Variants in RBFOX1 observed in about 807,000 individuals in gnomAD.
The protein encoded by RBFOX1 is RNA binding protein fox-1 homolog 1.
RBFOX1 carries 8 observed loss-of-function variants against 57.7 expected under a neutral mutation model. The ratio of observed to expected loss-of-function variants is 0.14; its 90% CI spans 0.08 to 0.25. RBFOX1 has a LOEUF of 0.25. RBFOX1 is among the 10% of genes least tolerant of loss of function. The pLI, the probability that RBFOX1 is intolerant of heterozygous loss-of-function variation, is 1.00. For missense variants in RBFOX1, 611 were observed against 548.5 expected, an observed-to-expected ratio of 1.11 and a Z score of -1.14; for synonymous variants, 326 against 222.4, an observed-to-expected ratio of 1.47 and a Z score of -4.15.
At chr16:5,858,550 A>G (rs959024776) in intron 3 of RBFOX1, among the ~76,000 whole-genome samples, 4 of 152,186 alleles carry the variant, frequency 2.6e-5, no homozygotes, top group African/African-American at 9.7e-5. Flanking sequence ...ATCGTCTGCA[A>G]GATAGACCTA....
intron 4 of RBFOX1, among the ~76,000 whole-genome samples, chr16:7,446,255 G>A (rs955595180): frequency 1.4e-4 from 22 of 152,302 alleles, no homozygotes; most frequent in African/African-American, 4.3e-4. Flanking sequence ...TGACAGGAAG[G>A]AGGATATTTT....
intron 3 of RBFOX1, among the ~76,000 whole-genome samples, chr16:7,042,677 G>A (rs1715685168): frequency 6.6e-6 from 1 of 152,244 alleles, no homozygotes; most frequent in African/African-American, 2.4e-5. Flanking sequence ...TGTAATGCCA[G>A]CAGTTTGGGA....
chr16:6,600,834 C>T (rs2097844430), intron 2 of RBFOX1, among the ~76,000 whole-genome samples: 1 of 152,098 alleles, frequency 6.6e-6, no homozygotes, highest in South Asian at 2.1e-4. Context: ...AAAAAAATCC[C>T]TTTAGAGGAA....
chr16:6,478,066 C>T (rs571760754), intron 2 of RBFOX1, among the ~76,000 whole-genome samples: 1 of 151,928 alleles, frequency 6.6e-6, no homozygotes, highest in African/African-American at 2.4e-5. Context: ...GTTTGATCTT[C>T]CATCTAAACC....
intron 1 of RBFOX1, among the ~76,000 whole-genome samples, chr16:5,312,602 AC>A (rs2064122324): frequency 6.6e-6 from 1 of 152,242 alleles, no homozygotes; most frequent in Non-Finnish European, 1.5e-5. Context: ...GGTGTGAGCC[AC>A]CATGCTTGGT....
chr16:6,989,424 G>A (rs746705200), intron 3 of RBFOX1, among the ~76,000 whole-genome samples: 11 of 152,088 alleles, frequency 7.2e-5, no homozygotes, highest in East Asian at 3.8e-4. Context: ...ATTTAACGGT[G>A]CAATTAGAAC....
chr16:5,327,576 C>A (rs563752473), intron 1 of RBFOX1, among the ~76,000 whole-genome samples: 238 of 152,124 alleles, frequency 1.6e-3, no homozygotes, highest in Middle Eastern at 3.2e-3. Flanking sequence ...GAGAAACGCC[C>A]CAATCTGCAC....
intron 3 of RBFOX1, among the ~76,000 whole-genome samples, chr16:5,830,461 AAGAGGATTGTAT>A (rs1367361439): frequency 3.9e-5 from 6 of 152,082 alleles, no homozygotes; most frequent in Non-Finnish European, 8.8e-5. Flanking sequence ...CACTGAGGGA[AAGAGGATTGTAT>A]AGAGGCCGGG....
intron 4 of RBFOX1, among the ~76,000 whole-genome samples, chr16:5,945,212 T>TGG (rs1417500180): frequency 1.3e-5 from 2 of 152,050 alleles, no homozygotes; most frequent in African/African-American, 4.8e-5. Context: ...AGTGAACAAC[T>TGG]CAGATAAAAA....
intron 3 of RBFOX1, among the ~76,000 whole-genome samples, chr16:6,734,800 A>G (rs1486852473): frequency 1.3e-5 from 2 of 152,128 alleles, no homozygotes; most frequent in East Asian, 3.9e-4. Flanking sequence ...TGTGGAAAAT[A>G]TTTTTTACGA....
At chr16:5,741,665 C>T (rs1015359011) in intron 3 of RBFOX1, among the ~76,000 whole-genome samples, 3 of 152,206 alleles carry the variant, frequency 2.0e-5, no homozygotes, top group African/African-American at 7.2e-5. Flanking sequence ...TTACATCAGA[C>T]ATTTATGGCT....
At chr16:7,164,231 C>G (rs1385651274) in intron 4 of RBFOX1, among the ~76,000 whole-genome samples, 2 of 152,108 alleles carry the variant, frequency 1.3e-5, no homozygotes, top group African/African-American at 4.8e-5. Context: ...TTTTCCATTC[C>G]TGAGTTACTT....
intron 2 of RBFOX1, among the ~76,000 whole-genome samples, chr16:6,518,102 C>G (rs182630498): frequency 1.3e-5 from 2 of 152,186 alleles, no homozygotes; most frequent in African/African-American, 4.8e-5. Flanking sequence ...CTAAATGTCA[C>G]CATTCCTGCA....
At chr16:7,689,805 A>G (rs1324357226) in intron 14 of RBFOX1, among the ~76,000 whole-genome samples, 1 of 152,112 alleles carries the variant, frequency 6.6e-6, no homozygotes, top group Non-Finnish European at 1.5e-5. Context: ...GAACTCAAAT[A>G]CCAAGAGTAT....
At chr16:5,383,264 G>A (rs1467136154) in intron 1 of RBFOX1, among the ~76,000 whole-genome samples, 1 of 152,174 alleles carries the variant, frequency 6.6e-6, no homozygotes, top group Non-Finnish European at 1.5e-5. Context: ...GAATGTATAA[G>A]TGGCGCCCAC....
intron 3 of RBFOX1, among the ~76,000 whole-genome samples, chr16:6,940,823 C>G (rs936466580): frequency 8.0e-6 from 1 of 124,764 alleles, no homozygotes. Flanking sequence ...GCTGGGAGTA[C>G]AGGCGCCTGC....
chr16:7,154,721 G>GTGTGTT (rs899512379), intron 4 of RBFOX1, among the ~76,000 whole-genome samples: 6 of 147,866 alleles, frequency 4.1e-5, no homozygotes, highest in African/African-American at 1.5e-4. Flanking sequence ...GTGTGTGTGT[G>GTGTGTT]TGTGTGTGTG....
At chr16:7,189,141 C>T (rs1052800777) in intron 4 of RBFOX1, among the ~76,000 whole-genome samples, 1 of 151,874 alleles carries the variant, frequency 6.6e-6, no homozygotes, top group African/African-American at 2.4e-5. Context: ...AAGGAATCCT[C>T]AGGGCTGGGC....
chr16:7,700,992 A>T (rs1175961928), intron 14 of RBFOX1, among the ~76,000 whole-genome samples: 1 of 142,382 alleles, frequency 7.0e-6, no homozygotes, highest in East Asian at 1.9e-4. Flanking sequence ...ATCCATGGGC[A>T]AAAAAAAGCA....
Sources: allele counts gnomAD v4.1 joint callset (sites outside exome capture counted in the v4.1 genomes callset), GRCh38; gene constraint gnomAD v4.1.1; transcripts MANE v1.5; gene names NCBI Gene and HGNC (gene_info 2026-07-23, HGNC 2026-07-21).